The following IGF2BP2 variants were observed in gnomAD, a reference collection of about 807,000 sequenced individuals.
IGF2BP2 encodes insulin-like growth factor 2 mRNA-binding protein 2.
A neutral mutation model predicts 75.8 loss-of-function variants in IGF2BP2; 17 were observed. That is an observed-to-expected ratio of 0.22 (90% CI 0.15 to 0.34). IGF2BP2 has a LOEUF of 0.34. IGF2BP2 is among the 10% of genes least tolerant of loss of function. The pLI, the probability that IGF2BP2 is intolerant of heterozygous loss-of-function variation, is 1.00. For missense variants in IGF2BP2, 516 were observed against 772.4 expected, an observed-to-expected ratio of 0.67 and a Z score of 3.93; for synonymous variants, 288 against 295.6, an observed-to-expected ratio of 0.97 and a Z score of 0.26.
chr3:185,798,535 T>C (rs764379809), intron 2 of IGF2BP2, among the ~76,000 whole-genome samples: 8 of 152,208 alleles, frequency 5.3e-5, no homozygotes, highest in Admixed American at 3.9e-4. Flanking sequence ...TAAATGACTA[T>C]GGAGGTTTGT....
intron 2 of IGF2BP2, among the ~76,000 whole-genome samples, chr3:185,789,412 G>A (rs1174407770): frequency 6.6e-6 from 1 of 152,032 alleles, no homozygotes. Context: ...TTAAGCTGGG[G>A]GAAAAGAAGC....
chr3:185,697,021 T>C (rs760063258), intron 3 of IGF2BP2, among the ~76,000 whole-genome samples: 19 of 152,266 alleles, frequency 1.2e-4, no homozygotes, highest in African/African-American at 4.6e-4. Context: ...TATTTAACAA[T>C]TCTTTTACAA....
intron 2 of IGF2BP2, among the ~76,000 whole-genome samples, chr3:185,808,061 C>G (rs1446551153): frequency 6.7e-6 from 1 of 150,076 alleles, no homozygotes; most frequent in African/African-American, 2.5e-5. Context: ...AGGAGAATAG[C>G]TTGAGCCTGG....
chr3:185,694,695 C>T (rs140037407), intron 4 of IGF2BP2, among the ~76,000 whole-genome samples: 11 of 152,324 alleles, frequency 7.2e-5, no homozygotes, highest in Admixed American at 5.9e-4. Context: ...ATTTTTCTTG[C>T]GTAGCATTGT....
At chr3:185,664,884 A>G (rs1717043146) in intron 10 of IGF2BP2, among the ~76,000 whole-genome samples, 1 of 152,150 alleles carries the variant, frequency 6.6e-6, no homozygotes, top group Admixed American at 6.6e-5. Flanking sequence ...TTATGGAAGG[A>G]AAACATTCTC....
rs1406679009 is a variant in IGF2BP2, at chr3:185,781,917, T to C, written c.239+41236A>G. Among the ~76,000 whole-genome samples, 12 of 152,278 alleles carry C rather than the reference T, an allele frequency of 7.9e-5. No individual in the cohort carries two copies. In the East Asian group the frequency reaches 2.3e-3, roughly 29 times the overall value. ...GGGCTGCATTTGTGGGATAAGGTCC[T>C]GGGAGTTCATAGTATGACTAAGAAG... On this transcript the variant is annotated intron_variant, in intron 2 of 15. Coordinates refer to ENST00000382199, the MANE Select transcript of IGF2BP2 (RefSeq NM_006548.6).
chr3:185,662,470 T>A (rs1358084578), intron 10 of IGF2BP2, among the ~76,000 whole-genome samples: 9 of 123,892 alleles, frequency 7.3e-5, no homozygotes, highest in African/African-American at 2.8e-4. Flanking sequence ...AGAGTGAGAC[T>A]CCATCTCAAA....
chr3:185,749,481 T>C (rs759308826), intron 2 of IGF2BP2, among the ~76,000 whole-genome samples: 3 of 152,172 alleles, frequency 2.0e-5, no homozygotes, highest in Non-Finnish European at 4.4e-5. Flanking sequence ...ATACAAGAAG[T>C]ATAAACAATT....
intron 2 of IGF2BP2, among the ~76,000 whole-genome samples, chr3:185,780,851 T>C (rs1735117568): frequency 6.6e-6 from 1 of 152,212 alleles, no homozygotes; most frequent in Admixed American, 6.5e-5. Context: ...TTGCATGATA[T>C]GTCTACGGAC....
intron 2 of IGF2BP2, among the ~76,000 whole-genome samples, chr3:185,707,180 G>A (rs1205769235): frequency 3.0e-5 from 3 of 98,380 alleles, no homozygotes; most frequent in Middle Eastern, 5.3e-3. Flanking sequence ...AGCCAAGATC[G>A]CATCACTGCA....
chr3:185,715,712 C>T (rs1725504181), intron 2 of IGF2BP2, among the ~76,000 whole-genome samples: 3 of 151,992 alleles, frequency 2.0e-5, no homozygotes, highest in South Asian at 4.1e-4. Flanking sequence ...GGCATGGTCT[C>T]GGCTCACTGC....
rs115536465 is a variant in IGF2BP2 at position 185,819,200 on chromosome 3, T to G, written c.239+3953A>C. On this transcript the variant is annotated intron_variant, in intron 2 of 15. Coordinates refer to ENST00000382199, the MANE Select transcript of IGF2BP2 (RefSeq NM_006548.6). Reference sequence around the variant, plus strand: ...CTGGCCATAAGTATAAGGAAACACATGAAAAGCACCATTTGACAGCTGCAC... The same window carrying G: ...CTGGCCATAAGTATAAGGAAACACAGGAAAAGCACCATTTGACAGCTGCAC... 2.2e-3 allele frequency among the ~76,000 whole-genome samples: 334 copies of G among 152,226 alleles called. 1 individual carries two copies. Among genetic ancestry groups the G allele is most frequent in the African/African-American group, 7.8e-3 (324 of 41,574 alleles).
chr3:185,700,025 T>C (rs2149366423), intron 2 of IGF2BP2, among the ~76,000 whole-genome samples: 1 of 152,278 alleles, frequency 6.6e-6, no homozygotes, highest in Non-Finnish European at 1.5e-5. Context: ...ATAGAAGAGC[T>C]TGACACTGAA....
rs60074502 is a variant in IGF2BP2, at chr3:185,708,935, C to T, written c.240-10588G>A. ...GTCTAAACAGAGTAAAAACCAAAAG[C>T]ATTTTCCTTAATGTTTTAATTCTGC... On this transcript the variant is annotated intron_variant, in intron 2 of 15. Transcript: ENST00000382199. Among the ~76,000 whole-genome samples, 268 of 152,278 alleles carry T rather than the reference C, an allele frequency of 1.8e-3. No homozygotes were observed. In the East Asian group the frequency reaches 0.043, roughly 24 times the overall value.
chr3:185,675,310 T>A lies in IGF2BP2; in HGVS notation c.1057A>T (p.Met353Leu). 6.2e-7 allele frequency: 1 copy of A among 1,609,074 alleles called. No individual in the cohort carries two copies. ...KKLREAFENDMLAVNQQANLI... is the reference protein window; with the variant it reads ...KKLREAFENDLLAVNQQANLI... ...TAGGGACTTACGTTAACAGCCAGCA[T>A]ATCATTTTCAAAGGCCTCACGCAGC... Residue 353 changes from methionine (M) to leucine (L), a missense_variant, in exon 9 of 16, where the codon ATG (methionine) becomes TTG (leucine). By Grantham distance (15) the Met-to-Leu change is conservative. Transcript: ENST00000382199.
At chr3:185,677,026 G>GAT (rs1245783214) in intron 7 of IGF2BP2, among the ~76,000 whole-genome samples, 38 of 81,300 alleles carry the variant, frequency 4.7e-4, no homozygotes, top group Non-Finnish European at 6.7e-4. Flanking sequence ...TATGGAGAGA[G>GAT]ATATATATAT....
Position 185,824,937 on chromosome 3 carries a change from C to G in IGF2BP2, c.24G>C (p.Gly8=). 3 of 1,555,572 alleles carry G rather than the reference C, an allele frequency of 1.9e-6. No individual in the cohort carries two copies. The highest frequency in any genetic ancestry group is 1.7e-6 in the Non-Finnish European group (2 of 1,146,950). MMNKLYI[G]NLSPAVTADD... ...CGGCGGTGACGGCGGGGCTCAGGTT[C>G]CCGATGTAAAGCTTGTTCATCATCC... Residue 8 remains glycine (G), a synonymous_variant, in exon 1 of 16, where the codon GGG becomes GGC. Transcript: ENST00000382199.
chr3:185,696,702 G>T (rs754886918), intron 3 of IGF2BP2, 39 bp from the exon 4 acceptor site: 2 of 1,553,944 alleles, frequency 1.3e-6, no homozygotes, highest in South Asian at 1.1e-5. Flanking sequence ...GGGAAGGCAA[G>T]ATCATATGTA....
At chr3:185,681,595 C>A (rs1720395910) in intron 7 of IGF2BP2, among the ~76,000 whole-genome samples, 1 of 152,126 alleles carries the variant, frequency 6.6e-6, no homozygotes, top group Admixed American at 6.5e-5. Context: ...TATGGAATCT[C>A]AAGGGACCTT....
Sources: allele counts gnomAD v4.1 joint callset (sites outside exome capture counted in the v4.1 genomes callset), GRCh38; gene constraint gnomAD v4.1.1; transcripts MANE v1.5; gene names NCBI Gene and HGNC (gene_info 2026-07-23, HGNC 2026-07-21).